FRMPD4: variants seen among roughly 807,000 people sequenced by gnomAD.
FRMPD4 encodes the protein FERM and PDZ domain containing 4, also known as FERM and PDZ domain-containing protein 4.
FRMPD4 carries 22 observed loss-of-function variants against 94.1 expected under a neutral mutation model. That is an observed-to-expected ratio of 0.23 (90% confidence interval 0.17 to 0.33). FRMPD4 has a LOEUF of 0.33. Among genes scored for constraint, FRMPD4 ranks in the 10% least tolerant of loss-of-function variants. FRMPD4 has a pLI of 1.00. For synonymous variants in FRMPD4, 631 were observed against 548.6 expected (o/e 1.15, Z -2.10); for missense variants, 1,111 against 1,339.9 (o/e 0.83, Z 2.67).
At chrX:11,864,773 G>A (rs1272423028) in intron 1 of FRMPD4, among the ~76,000 whole-genome samples, 1 of 111,362 alleles carries the variant, frequency 9.0e-6, no homozygotes, top group Non-Finnish European at 1.9e-5. Flanking sequence ...GATTTTGTTG[G>A]CATTCTTGAC....
intron 1 of FRMPD4, among the ~76,000 whole-genome samples, chrX:12,165,661 A>G (rs1348872325): frequency 2.7e-5 from 3 of 111,427 alleles, no homozygotes; most frequent in Non-Finnish European, 3.8e-5. Context: ...TTTTCACGAT[A>G]TTGATTCTTC....
intron 5 of FRMPD4, among the ~76,000 whole-genome samples, chrX:12,677,160 C>T (rs1395851083): frequency 9.0e-6 from 1 of 110,739 alleles, no homozygotes; most frequent in Admixed American, 9.7e-5. Context: ...TGGCCTGTAC[C>T]TACTAGATGC....
chrX:12,170,846 A>C (rs1439439332), intron 1 of FRMPD4, among the ~76,000 whole-genome samples: 4 of 112,957 alleles, frequency 3.5e-5, no homozygotes, highest in African/African-American at 9.6e-5. Flanking sequence ...ATGGCCTGTG[A>C]ACATCTAGAA....
At chrX:12,201,616 A>G (rs1016839515) in intron 1 of FRMPD4, among the ~76,000 whole-genome samples, 1 of 112,092 alleles carries the variant, frequency 8.9e-6, no homozygotes, top group Admixed American at 9.5e-5. Context: ...AGTGCCAGGA[A>G]GTTGCTAATA....
intron 3 of FRMPD4, among the ~76,000 whole-genome samples, chrX:12,097,102 TG>T (rs1456671781): frequency 8.9e-6 from 1 of 112,194 alleles, no homozygotes; most frequent in African/African-American, 3.2e-5. Flanking sequence ...ATCCTGTAAT[TG>T]ATATACCCAT....
intron 10 of FRMPD4, among the ~76,000 whole-genome samples, chrX:12,704,077 G>T (rs1231887774): frequency 8.9e-6 from 1 of 112,746 alleles, no homozygotes; most frequent in Non-Finnish European, 1.9e-5. Context: ...TCAGAAGTTG[G>T]TTGGACAAAA....
chrX:12,423,008 A>G (rs7888510), intron 1 of FRMPD4, among the ~76,000 whole-genome samples: 5,682 of 110,968 alleles, frequency 0.051, 343 homozygotes, highest in African/African-American at 0.17. Context: ...GGTTTTCTTG[A>G]CAGCTGGGTA....
At chrX:12,288,693 G>C (rs2054638434) in intron 1 of FRMPD4, among the ~76,000 whole-genome samples, 2 of 111,643 alleles carry the variant, frequency 1.8e-5, no homozygotes, top group African/African-American at 6.5e-5. Context: ...GTTTTTTGCA[G>C]ACCAGTCGTC....
intron 3 of FRMPD4, among the ~76,000 whole-genome samples, chrX:11,912,712 C>G (rs1236320962): frequency 9.3e-6 from 1 of 107,912 alleles, no homozygotes; most frequent in African/African-American, 3.4e-5. Flanking sequence ...CTCTGTTGTC[C>G]AATTACACTG....
At chrX:12,703,238 T>C (rs962129555) in intron 10 of FRMPD4, among the ~76,000 whole-genome samples, 3 of 112,615 alleles carry the variant, frequency 2.7e-5, no homozygotes, top group African/African-American at 9.7e-5. Context: ...CTAATATGTA[T>C]GAATTATATT....
At chrX:11,891,439 C>CTAG (rs779619207) in intron 3 of FRMPD4, among the ~76,000 whole-genome samples, 3 of 112,454 alleles carry the variant, frequency 2.7e-5, no homozygotes, top group African/African-American at 9.7e-5. Flanking sequence ...ACTCCTCTTC[C>CTAG]TAGACCCAGA....
intron 4 of FRMPD4, among the ~76,000 whole-genome samples, chrX:12,621,196 C>T (rs1024276340): frequency 1.8e-5 from 2 of 111,574 alleles, no homozygotes; most frequent in Admixed American, 1.9e-4. Context: ...CACCAGTGGA[C>T]TCCAGCCTGG....
intron 14 of FRMPD4, among the ~76,000 whole-genome samples, chrX:12,712,913 G>A (rs1471848104): frequency 9.2e-6 from 1 of 108,434 alleles, no homozygotes; most frequent in Non-Finnish European, 1.9e-5. Context: ...CTGTATCCAC[G>A]AAAAAAATTT....
chrX:11,855,124 G>C (rs1186189198), intron 1 of FRMPD4, among the ~76,000 whole-genome samples: 3 of 112,892 alleles, frequency 2.7e-5, no homozygotes, highest in Non-Finnish European at 5.6e-5. Context: ...AAGGCTTGGT[G>C]CTTGCACCTT....
chrX:11,848,496 C>T (rs1240607352), intron 1 of FRMPD4, among the ~76,000 whole-genome samples: 1 of 105,570 alleles, frequency 9.5e-6, no homozygotes, highest in Non-Finnish European at 2.0e-5. Flanking sequence ...ATTTTTAAGT[C>T]TTCCCCAGCC....
At chrX:12,310,644 A>G (rs1569226978) in intron 1 of FRMPD4, among the ~76,000 whole-genome samples, 1 of 112,418 alleles carries the variant, frequency 8.9e-6, no homozygotes, top group African/African-American at 3.2e-5. Context: ...AAAAGGAGCA[A>G]TTCTTGATGA....
At chrX:11,917,796 A>G (rs990739742) in intron 3 of FRMPD4, among the ~76,000 whole-genome samples, 1 of 109,569 alleles carries the variant, frequency 9.1e-6, no homozygotes, top group Admixed American at 9.8e-5. Flanking sequence ...TACTATATTC[A>G]CTACTTGGGT....
chrX:12,440,738 G>T (rs1382172417), intron 1 of FRMPD4, among the ~76,000 whole-genome samples: 3 of 110,759 alleles, frequency 2.7e-5, no homozygotes, highest in Non-Finnish European at 5.7e-5. Flanking sequence ...AAAAAGAGGG[G>T]ATCTGAGGAA....
chrX:12,552,892 G>A (rs1376484209), intron 2 of FRMPD4, among the ~76,000 whole-genome samples: 4 of 112,150 alleles, frequency 3.6e-5, no homozygotes, highest in African/African-American at 6.5e-5. Context: ...GCAATGCCTC[G>A]TGCCTGTAAT....
Sources: gnomAD v4.1 joint callset for allele counts (sites outside exome capture counted in the v4.1 genomes callset) on GRCh38, gnomAD v4.1.1 for gene constraint, MANE v1.5 for transcripts, NCBI Gene and HGNC (gene_info 2026-07-23, HGNC 2026-07-21) for gene names.